Variants in MYOM2 observed in about 807,000 individuals in gnomAD.
MYOM2 encodes the protein myomesin-2.
Under a neutral mutation model 187.6 loss-of-function variants are expected in MYOM2, and 254 were observed. That is an observed-to-expected ratio of 1.35 (90% CI 1.22 to 1.50). The LOEUF (loss-of-function observed/expected upper bound fraction) is 1.50. MYOM2 is among the 40% of genes most tolerant of loss of function. The probability of loss-of-function intolerance (pLI) is 0.00; values close to 1 mark genes in which losing one functional copy is unlikely to be tolerated. For synonymous variants in MYOM2, 981 were observed against 753.8 expected (o/e 1.30, Z -4.94); for missense variants, 2,796 against 1,924.0 (o/e 1.45, Z -8.48).
chr8:2,079,220 G>A (rs773416464), intron 12 of MYOM2, among the ~76,000 whole-genome samples: 14 of 152,102 alleles, frequency 9.2e-5, no homozygotes, highest in Non-Finnish European at 1.8e-4. Context: ...TATTCCATTG[G>A]TGATATAATT....
At chr8:2,097,569 C>T (rs1167139782) in intron 18 of MYOM2, among the ~76,000 whole-genome samples, 2 of 152,182 alleles carry the variant, frequency 1.3e-5, no homozygotes, top group Non-Finnish European at 2.9e-5. Context: ...GGCTGGAGTG[C>T]AGTGGCACGA....
Position 2,123,294 on chromosome 8 carries a change from G to C in MYOM2, c.3496G>C (p.Asp1166His). 2 of 1,613,942 alleles carry C rather than the reference G, an allele frequency of 1.2e-6. No homozygotes were observed. Among genetic ancestry groups the C allele is most frequent in the Non-Finnish European group, 1.7e-6 (2 of 1,179,980 alleles). ...AGAAACCGTTTTCAAATGGCTCAAG[G>C]ATGATGTTCTGTATGAAACGGAGAC... ...KKETVFKWLK[D>H]DVLYETETLP... is the part of the protein sequence containing the mutation. The change falls in exon 29 of 37, where the codon GAT becomes CAT. Residue 1166 changes from aspartate (D) to histidine (H), a missense_variant. Asp to His is a moderately conservative substitution (Grantham distance 81). Coordinates refer to ENST00000262113, the MANE Select transcript of MYOM2 (RefSeq NM_003970.4).
intron 21 of MYOM2, among the ~76,000 whole-genome samples, chr8:2,103,705 G>A (rs912257207): frequency 6.7e-6 from 1 of 148,926 alleles, no homozygotes; most frequent in South Asian, 2.2e-4. Context: ...GGGAGAGTGT[G>A]CATGTATTAG....
At chr8:2,054,424 G>A (rs547207219) in intron 3 of MYOM2, among the ~76,000 whole-genome samples, 60 of 152,132 alleles carry the variant, frequency 3.9e-4, no homozygotes, top group Non-Finnish European at 8.2e-4. Context: ...AATCTTGCAA[G>A]CCACCTGTCC....
In MYOM2 at chr8:2,095,379, G is replaced by A. The variant is rs554725136; in HGVS notation, c.2126-868G>A. 6.0e-4 allele frequency among the ~76,000 whole-genome samples: 90 copies of A among 151,242 alleles called. 1 individual carries two copies. The highest frequency in any genetic ancestry group is 2.1e-3 in the African/African-American group (88 of 41,082). ...TGATCACAGCTCCCTGCAGCCTTGAGCTTTTGGGCTCAAGTGATCCTCATG... is the reference window on the plus strand; with the variant it reads ...TGATCACAGCTCCCTGCAGCCTTGAACTTTTGGGCTCAAGTGATCCTCATG... On this transcript the variant is annotated intron_variant, in intron 17 of 36. Transcript: ENST00000262113.
At chr8:2,069,522 T>C (rs900007422) in intron 8 of MYOM2, 25 bp downstream of exon 8, 1 of 1,613,918 alleles carries the variant, frequency 6.2e-7, no homozygotes, top group Non-Finnish European at 8.5e-7. Flanking sequence ...GTTTCTTTTC[T>C]GTGTGGTGAA....
intron 32 of MYOM2, among the ~76,000 whole-genome samples, chr8:2,139,152 A>G (rs574272946): frequency 3.7e-4 from 56 of 151,996 alleles, no homozygotes; most frequent in African/African-American, 1.2e-3. Flanking sequence ...TTACATATAT[A>G]CTTTTTGAGA....
Position 2,096,363 on chromosome 8 carries a change from G to C in MYOM2, c.2242G>C (p.Asp748His). 1 of 1,614,202 alleles carries C rather than the reference G, an allele frequency of 6.2e-7. No homozygotes were observed. Among genetic ancestry groups the C allele is most frequent in the Non-Finnish European group, 8.5e-7 (1 of 1,180,036 alleles). The change falls in exon 18 of 37, where the codon GAC becomes CAC. Residue 748 changes from aspartate (D) to histidine (H), a missense_variant. Physicochemically the swap from Asp to His is moderately conservative, Grantham distance 81. Coordinates refer to ENST00000262113, the MANE Select transcript of MYOM2 (RefSeq NM_003970.4). ...CTCGCCCATCCTGGGCTACTACCTG[G>C]ACAAGCGTGAAGTTCACCATAAAAA... The part of the protein sequence containing the change: ...GGSPILGYYL[D>H]KREVHHKNWH...
chr8:2,139,814 G>A (rs1238454325), intron 32 of MYOM2, among the ~76,000 whole-genome samples: 1 of 152,162 alleles, frequency 6.6e-6, no homozygotes, highest in African/African-American at 2.4e-5. Context: ...ACTTTTGTCT[G>A]CAGTAAACAG....
chr8:2,096,814 A>G (rs900584978), intron 18 of MYOM2, among the ~76,000 whole-genome samples: 1 of 152,166 alleles, frequency 6.6e-6, no homozygotes, highest in Non-Finnish European at 1.5e-5. Flanking sequence ...GTTTAGGAAG[A>G]GAGTAATGTT....
Position 2,140,759 on chromosome 8 carries a change from C to CG in MYOM2, c.3843dup (p.Ser1282GlufsTer2), listed in dbSNP as rs1276264853. Reference sequence around the variant, plus strand: ...TCTCATCCAGTGAGCATATGAGAATCGGGGGGAGTGAAGAGATGGCTTGGC... The same window carrying CG: ...TCTCATCCAGTGAGCATATGAGAATCGGGGGGGAGTGAAGAGATGGCTTGGC... On this transcript the variant is annotated frameshift_variant, in exon 33 of 37. Coordinates refer to ENST00000262113, the MANE Select transcript of MYOM2 (RefSeq NM_003970.4). LOFTEE classifies it high-confidence loss of function. The CG allele has an allele frequency of 6.2e-7, 1 of 1,613,948 alleles. No homozygotes were observed. The highest frequency in any genetic ancestry group is 8.5e-7 in the Non-Finnish European group (1 of 1,179,942).
intron 8 of MYOM2, among the ~76,000 whole-genome samples, chr8:2,070,910 C>T (rs376663639): frequency 3.3e-4 from 50 of 152,266 alleles, no homozygotes; most frequent in African/African-American, 1.2e-3. Context: ...AGTGCTGCTC[C>T]TGCCCGTCTC....
rs938186662 is a variant in MYOM2 at position 2,129,052 on chromosome 8, G to GC, written c.3695-73dup. 22 of 1,107,892 alleles carry GC rather than the reference G, an allele frequency of 2.0e-5. No homozygotes were observed. The African/African-American group carries it at 3.2e-4, about 16-fold the overall frequency. The allele number at this position is 1,107,892 out of a possible 1,614,324, so 68.6% of individuals were successfully genotyped here. A position where few individuals can be genotyped will look rare whatever the true frequency, so the allele number is the denominator to read the frequency against. ...ATTGCAGGTGGGGACAGGAGGGCTT[G>GC]CCGCCGCGATGCTTTCTGTGATCAC... On this transcript the variant is annotated intron_variant, in intron 31 of 36. Transcript: ENST00000262113.
At chr8:2,141,254 C>A in intron 34 of MYOM2, 77 bp downstream of exon 34, 1 of 1,321,794 alleles carries the variant, frequency 7.6e-7, no homozygotes, top group Non-Finnish European at 1.1e-6. Flanking sequence ...ATGTGGGAAT[C>A]TGTATGGAAG....
At chr8:2,110,426 C>T (rs1797030549) in intron 25 of MYOM2, among the ~76,000 whole-genome samples, 1 of 152,150 alleles carries the variant, frequency 6.6e-6, no homozygotes, top group African/African-American at 2.4e-5. Context: ...GTCAGGTACT[C>T]CTTATTTGTC....
At chr8:2,050,947 T>C in intron 2 of MYOM2, 74 bp downstream of exon 2, 1 of 1,211,630 alleles carries the variant, frequency 8.3e-7, no homozygotes. Context: ...CTTTTCCAGT[T>C]CCGTCAGCCC....
chr8:2,071,899 C>T (rs1383344220), intron 8 of MYOM2, among the ~76,000 whole-genome samples: 3 of 152,134 alleles, frequency 2.0e-5, no homozygotes, highest in African/African-American at 4.8e-5. Context: ...CAAGGGCGCT[C>T]ATTCTCCCCT....
At chr8:2,071,923 C>T (rs533765672) in intron 8 of MYOM2, among the ~76,000 whole-genome samples, 2 of 152,272 alleles carry the variant, frequency 1.3e-5, no homozygotes, top group East Asian at 3.9e-4. Context: ...GTCCCACTCT[C>T]ACGATCTCAT....
intron 6 of MYOM2, among the ~76,000 whole-genome samples, chr8:2,059,846 G>T (rs139421131): frequency 6.6e-6 from 1 of 150,822 alleles, no homozygotes; most frequent in Non-Finnish European, 1.5e-5. Context: ...AGGATCAAGC[G>T]ATTCTCCTGC....
Sources: gnomAD v4.1 joint callset for allele counts (sites outside exome capture counted in the v4.1 genomes callset) on GRCh38, gnomAD v4.1.1 for gene constraint, MANE v1.5 for transcripts, NCBI Gene and HGNC (gene_info 2026-07-23, HGNC 2026-07-21) for gene names.